ZFAT: variants seen among roughly 807,000 people sequenced by gnomAD.
ZFAT encodes zinc finger and AT-hook domain containing.
Under a neutral mutation model 117.7 loss-of-function variants are expected in ZFAT, and 64 were observed. The ratio of observed to expected loss-of-function variants is 0.54; its 90% CI spans 0.44 to 0.67. ZFAT has a LOEUF of 0.67. Among genes scored for constraint, ZFAT ranks in the 30% least tolerant of loss-of-function variants. ZFAT has a pLI of 0.00. For missense variants in ZFAT, 1,433 were observed against 1,584.5 expected (o/e 0.90, Z 1.62); for synonymous variants, 679 against 615.0 (o/e 1.10, Z -1.54).
At chr8:134,493,704 A>G (rs574274854) in intron 15 of ZFAT, among the ~76,000 whole-genome samples, 38 of 152,184 alleles carry the variant, frequency 2.5e-4, no homozygotes, top group Non-Finnish European at 5.3e-4. Context: ...CTGCTTCTGG[A>G]TGCCGGCCCT....
At chr8:134,610,237 G>C (rs1238802837) in intron 4 of ZFAT, among the ~76,000 whole-genome samples, 1 of 152,200 alleles carries the variant, frequency 6.6e-6, no homozygotes, top group East Asian at 1.9e-4. Context: ...GGAGCTGTGG[G>C]ACTACAGCAA....
chr8:134,485,287 C>T (rs1817586692), intron 15 of ZFAT, among the ~76,000 whole-genome samples: 1 of 152,310 alleles, frequency 6.6e-6, no homozygotes, highest in East Asian at 1.9e-4. Context: ...CTGTGCACAG[C>T]TGTGGGCTTG....
chr8:134,514,894 T>C (rs1158224136), intron 13 of ZFAT, among the ~76,000 whole-genome samples: 1 of 152,132 alleles, frequency 6.6e-6, no homozygotes, highest in African/African-American at 2.4e-5. Context: ...CGTGCCATGG[T>C]GGTTTGCTGC....
In ZFAT at chr8:134,600,472, A is replaced by C; in HGVS notation, c.2439T>G (p.Tyr813Ter). The change falls in exon 7 of 16, where the codon TAT (tyrosine) becomes TAG (stop). Residue 813 changes from tyrosine (Y) to a stop codon, truncating the protein, a stop_gained. Coordinates refer to ENST00000377838, the MANE Select transcript of ZFAT (RefSeq NM_020863.4). LOFTEE classifies it high-confidence loss of function. ...DGCDYSTPDK[Y>*]KLQAHLKVHT... ...GAACTTTAAGATGTGCCTGTAGCTT[A>C]TATTTATCTGGAGTTGAGTAGTCAC... 6.2e-7 allele frequency: 1 copy of C among 1,614,188 alleles called. No homozygotes were observed. Among genetic ancestry groups the C allele is most frequent in the African/African-American group, 1.3e-5 (1 of 75,040 alleles).
intron 11 of ZFAT, among the ~76,000 whole-genome samples, chr8:134,549,677 C>T (rs1265623050): frequency 6.6e-6 from 1 of 152,186 alleles, no homozygotes; most frequent in Non-Finnish European, 1.5e-5. Context: ...TTACAAGATA[C>T]ATGGTGGTTC....
intron 1 of ZFAT, among the ~76,000 whole-genome samples, chr8:134,701,085 C>G (rs1357605305): frequency 6.6e-6 from 1 of 152,146 alleles, no homozygotes; most frequent in Non-Finnish European, 1.5e-5. Flanking sequence ...TAGATACATT[C>G]ACATTGTTGT....
intron 2 of ZFAT, among the ~76,000 whole-genome samples, chr8:134,656,554 C>A (rs1268617596): frequency 6.6e-6 from 1 of 152,190 alleles, no homozygotes; most frequent in East Asian, 1.9e-4. Flanking sequence ...CTCTGAGAAC[C>A]CTGGGAATGA....
chr8:134,494,280 C>T (rs1234919371), intron 15 of ZFAT, among the ~76,000 whole-genome samples: 2 of 152,232 alleles, frequency 1.3e-5, no homozygotes, highest in African/African-American at 2.4e-5. Context: ...TTGTACATTT[C>T]CACCTGCCTG....
chr8:134,717,507 G>A (rs1445477517), upstream of ZFAT, among the ~76,000 whole-genome samples: 11 of 7,228 alleles, frequency 1.5e-3, no homozygotes, highest in Non-Finnish European at 7.0e-3. Flanking sequence ...TTTTTGAGAC[G>A]GAGTCTCACT....
At chr8:134,816,981 A>C in the ZFAT span, among the ~76,000 whole-genome samples, 433 of 139,288 alleles carry the variant, frequency 3.1e-3, no homozygotes, top group African/African-American at 0.011. Context: ...ACTCCATCTC[A>C]AAAAAAAAAA....
chr8:134,535,015 T>TC (rs1324652938), intron 11 of ZFAT, among the ~76,000 whole-genome samples: 1 of 152,100 alleles, frequency 6.6e-6, no homozygotes, highest in Non-Finnish European at 1.5e-5. Context: ...CTCCATCCTA[T>TC]CTCCTTAGGC....
At chr8:134,822,234 A>C in the ZFAT span, among the ~76,000 whole-genome samples, 1 of 152,158 alleles carries the variant, frequency 6.6e-6, no homozygotes, top group Non-Finnish European at 1.5e-5. Flanking sequence ...CAATCGTATA[A>C]GCATTCAAAT....
intron 15 of ZFAT, among the ~76,000 whole-genome samples, chr8:134,499,324 C>T (rs1171628327): frequency 6.8e-5 from 7 of 103,418 alleles, no homozygotes; most frequent in East Asian, 3.1e-4. Context: ...TTGGTAGGGT[C>T]GGGGTGGAGC....
intron 7 of ZFAT, among the ~76,000 whole-genome samples, chr8:134,592,745 CCGAGAGCGGG>C (rs1346369049): frequency 3.3e-5 from 5 of 152,164 alleles, no homozygotes; most frequent in African/African-American, 1.2e-4. Context: ...CTGGGAGTCT[CCGAGAGCGGG>C]ATCTGAAGGA....
chr8:134,640,168 T>C (rs921215237), intron 2 of ZFAT, among the ~76,000 whole-genome samples: 36 of 152,322 alleles, frequency 2.4e-4, no homozygotes, highest in African/African-American at 8.2e-4. Flanking sequence ...ATAATCAAAT[T>C]ATAATCATGA....
chr8:134,527,204 G>C (rs1309336105), intron 12 of ZFAT, among the ~76,000 whole-genome samples: 1 of 152,186 alleles, frequency 6.6e-6, no homozygotes, highest in East Asian at 1.9e-4. Context: ...GGCTAGAAAA[G>C]GCCAGGAAAG....
the ZFAT span, among the ~76,000 whole-genome samples, chr8:134,832,138 AGGGGCGG>A: frequency 3.8e-4 from 56 of 146,088 alleles, no homozygotes; most frequent in African/African-American, 1.4e-3. Context: ...GGGGCGCGCG[AGGGGCGG>A]GGGGCAGGGG....
At chr8:134,663,216 G>C (rs1192911498) in intron 1 of ZFAT, among the ~76,000 whole-genome samples, 1 of 152,214 alleles carries the variant, frequency 6.6e-6, no homozygotes, top group Non-Finnish European at 1.5e-5. Context: ...CTCAGCAGTG[G>C]ACAAATCCTG....
At chr8:134,604,048 G>A (rs551295866) in intron 5 of ZFAT, among the ~76,000 whole-genome samples, 57 of 152,314 alleles carry the variant, frequency 3.7e-4, no homozygotes, top group African/African-American at 1.3e-3. Context: ...TAGATTTTAC[G>A]TATGTGGTGA....
Sources: gnomAD v4.1 joint callset for allele counts (sites outside exome capture counted in the v4.1 genomes callset) on GRCh38, gnomAD v4.1.1 for gene constraint, MANE v1.5 for transcripts, NCBI Gene and HGNC (gene_info 2026-07-23, HGNC 2026-07-21) for gene names.